PRKN: variants seen among roughly 807,000 people sequenced by gnomAD.
PRKN encodes parkin RBR E3 ubiquitin protein ligase.
In PRKN, 56 loss-of-function variants were observed where a neutral mutation model predicts 59.5. The observed-to-expected ratio is 0.94, with a 90% CI of 0.76 to 1.18. The LOEUF (loss-of-function observed/expected upper bound fraction) is 1.18, where lower values mean the gene tolerates loss of function less well. Ranked by LOEUF, PRKN falls within the 50% of genes most tolerant of loss-of-function variation. PRKN has a pLI of 0.00. For missense variants in PRKN, 657 were observed against 596.4 expected (o/e 1.10, Z -1.06); for synonymous variants, 250 against 222.1 (o/e 1.13, Z -1.12).
intron 2 of PRKN, among the ~76,000 whole-genome samples, chr6:162,402,821 GTTT>G (rs1187810422): frequency 6.6e-6 from 1 of 151,854 alleles, no homozygotes. Flanking sequence ...CTGAGTGATT[GTTT>G]TTTAGCTTTC....
chr6:161,590,974 A>G (rs1781700656), intron 7 of PRKN, among the ~76,000 whole-genome samples: 1 of 152,136 alleles, frequency 6.6e-6, no homozygotes, highest in Non-Finnish European at 1.5e-5. Context: ...AAATTTTGAA[A>G]TTTAAATAAG....
chr6:162,325,089 A>T (rs1783206246), intron 2 of PRKN, among the ~76,000 whole-genome samples: 1 of 152,180 alleles, frequency 6.6e-6, no homozygotes, highest in South Asian at 2.1e-4. Context: ...ACATTATTTT[A>T]AAATTAAATG....
intron 6 of PRKN, among the ~76,000 whole-genome samples, chr6:161,793,462 AT>A (rs1448287636): frequency 9.9e-5 from 15 of 151,974 alleles, no homozygotes; most frequent in African/African-American, 3.6e-4. Flanking sequence ...CCAAGGTAAA[AT>A]TCATTTATGT....
chr6:162,029,067 C>T (rs1304927486), intron 5 of PRKN, among the ~76,000 whole-genome samples: 1 of 151,968 alleles, frequency 6.6e-6, no homozygotes, highest in Admixed American at 6.6e-5. Context: ...GTATTTGTGC[C>T]CAAATACAAT....
intron 5 of PRKN, among the ~76,000 whole-genome samples, chr6:162,041,879 C>T (rs1398409463): frequency 2.0e-5 from 3 of 152,044 alleles, no homozygotes; most frequent in Admixed American, 6.6e-5. Flanking sequence ...CATTTAGTCC[C>T]GTACGTGTGG....
At chr6:162,477,946 T>C (rs987351324) in intron 1 of PRKN, among the ~76,000 whole-genome samples, 7 of 152,178 alleles carry the variant, frequency 4.6e-5, no homozygotes, top group Non-Finnish European at 7.3e-5. Context: ...TCCCGGCTTC[T>C]GCAACTGTTT....
intron 7 of PRKN, among the ~76,000 whole-genome samples, chr6:161,570,146 A>AATATATATATAT (rs1554277877): frequency 1.3e-5 from 1 of 76,612 alleles, no homozygotes; most frequent in Non-Finnish European, 2.3e-5. Flanking sequence ...AAAAAAAAAA[A>AATATATATATAT]ATATATATAT....
chr6:162,608,214 C>T (rs565320251), intron 1 of PRKN, among the ~76,000 whole-genome samples: 1 of 152,310 alleles, frequency 6.6e-6, no homozygotes, highest in South Asian at 2.1e-4. Flanking sequence ...AAAGGGAAGA[C>T]TGACGTATCG....
At chr6:161,920,532 G>A (rs1277430318) in intron 6 of PRKN, among the ~76,000 whole-genome samples, 3 of 151,468 alleles carry the variant, frequency 2.0e-5, no homozygotes, top group Non-Finnish European at 4.4e-5. Context: ...GGCTCATGCC[G>A]GTAATCCCAG....
chr6:162,040,439 C>G (rs903354812), intron 5 of PRKN, among the ~76,000 whole-genome samples: 2 of 131,242 alleles, frequency 1.5e-5, no homozygotes, highest in East Asian at 4.4e-4. Flanking sequence ...GAGTTTCTTT[C>G]TTGTTGTCCA....
intron 4 of PRKN, among the ~76,000 whole-genome samples, chr6:162,086,049 G>A (rs989438154): frequency 2.6e-5 from 4 of 152,012 alleles, no homozygotes; most frequent in African/African-American, 7.3e-5. Context: ...ATGTTACTTC[G>A]AGAATTTTAA....
intron 6 of PRKN, among the ~76,000 whole-genome samples, chr6:161,882,054 T>C (rs920638450): frequency 4.6e-5 from 7 of 152,144 alleles, no homozygotes; most frequent in South Asian, 2.1e-4. Flanking sequence ...TCAGAATAGC[T>C]ATATAGAGCC....
chr6:162,695,474 T>C (rs1562503725), intron 1 of PRKN, among the ~76,000 whole-genome samples: 1 of 152,214 alleles, frequency 6.6e-6, no homozygotes, highest in Non-Finnish European at 1.5e-5. Context: ...GACATGACTT[T>C]CTCTGTAAAA....
intron 2 of PRKN, among the ~76,000 whole-genome samples, chr6:162,353,550 T>A (rs1784713344): frequency 6.6e-6 from 1 of 152,142 alleles, no homozygotes; most frequent in Non-Finnish European, 1.5e-5. Context: ...TATACTTAAT[T>A]TTTTGAAGAA....
At chr6:162,268,239 T>C (rs1780220591) in intron 2 of PRKN, among the ~76,000 whole-genome samples, 2 of 152,190 alleles carry the variant, frequency 1.3e-5, no homozygotes, top group Non-Finnish European at 2.9e-5. Flanking sequence ...TAACCATCAA[T>C]GTGATTGCAT....
intron 5 of PRKN, among the ~76,000 whole-genome samples, chr6:162,002,188 A>C (rs568057137): frequency 2.0e-5 from 3 of 152,152 alleles, no homozygotes; most frequent in African/African-American, 4.8e-5. Context: ...AATTAGAAAG[A>C]ATTTCTGCAG....
chr6:161,969,301 G>C (rs1780710894), intron 6 of PRKN, among the ~76,000 whole-genome samples: 1 of 144,822 alleles, frequency 6.9e-6, no homozygotes, highest in Non-Finnish European at 1.5e-5. Context: ...GTGAGTAAAT[G>C]CTCAAAAGTG....
rs58765166 is a variant in PRKN at position 161,733,797 on chromosome 6, T to TATATATATATATATAC, written c.871+51974_871+51975insGTATATATATATATAT. The stretch of plus-strand genomic sequence containing the variant: ...AAAAAAAAAAAAATATATATATATA[T>TATATATATATATATAC]GTATATATATATATATATATATATG... On this transcript the variant is annotated intron_variant, in intron 7 of 11. Transcript: ENST00000366898. Among the ~76,000 whole-genome samples, 441 of 81,762 alleles carry TATATATATATATATAC rather than the reference T, an allele frequency of 5.4e-3. 3 individuals are homozygous for TATATATATATATATAC. Among genetic ancestry groups the TATATATATATATATAC allele is most frequent in the African/African-American group, 0.01 (249 of 24,148 alleles). The allele number at this position is 81,762 out of a possible 152,430, so 53.6% of individuals were successfully genotyped here. A position where few individuals can be genotyped will look rare whatever the true frequency, so the allele number is the denominator to read the frequency against.
At chr6:162,516,562 G>T (rs1315523616) in intron 1 of PRKN, among the ~76,000 whole-genome samples, 1 of 152,106 alleles carries the variant, frequency 6.6e-6, no homozygotes, top group African/African-American at 2.4e-5. Flanking sequence ...GACCAGGCTG[G>T]CCAACATGGT....
Sources: allele counts gnomAD v4.1 joint callset (sites outside exome capture counted in the v4.1 genomes callset), GRCh38; gene constraint gnomAD v4.1.1; transcripts MANE v1.5; gene names NCBI Gene and HGNC (gene_info 2026-07-23, HGNC 2026-07-21).